Variants in SPADH observed in about 807,000 individuals in gnomAD.
SPADH encodes spermadhesin family member, also known as CUB domain-containing protein.
the SPADH span, among the ~76,000 whole-genome samples, chr10:122,675,234 G>T: frequency 6.6e-6 from 1 of 152,134 alleles, no homozygotes; most frequent in Non-Finnish European, 1.5e-5. Flanking sequence ...AAAGTGGGAC[G>T]TGAGACCTTT....
chr10:122,673,575 A>G, the SPADH span, among the ~76,000 whole-genome samples: 1 of 152,310 alleles, frequency 6.6e-6, no homozygotes, highest in African/African-American at 2.4e-5. Flanking sequence ...CTGATTTTGA[A>G]TGCAGGCAGG....
the SPADH span, chr10:122,675,671 G>T: frequency 1.1e-4 from 112 of 983,260 alleles, 1 homozygote; most frequent in African/African-American, 1.8e-3. Flanking sequence ...TTTGCCACAG[G>T]TAAATGCAGA....
At chr10:122,676,899 C>T in the SPADH span, 1 of 985,212 alleles carries the variant, frequency 1.0e-6, no homozygotes, top group Non-Finnish European at 1.2e-6. Flanking sequence ...CAAGTGAGTA[C>T]TGGGGTTGTG....
the SPADH span, among the ~76,000 whole-genome samples, chr10:122,678,384 C>A: frequency 6.6e-6 from 1 of 152,064 alleles, no homozygotes; most frequent in East Asian, 1.9e-4. Context: ...GTCCCATCTG[C>A]CAGGGGAAAG....
chr10:122,677,284 A>C, the SPADH span, among the ~76,000 whole-genome samples: 1 of 152,282 alleles, frequency 6.6e-6, no homozygotes, highest in South Asian at 2.1e-4. Context: ...TGCCCTCTGC[A>C]AAGGGTTTTC....
chr10:122,676,659 G>A, the SPADH span: 5 of 912,336 alleles, frequency 5.5e-6, no homozygotes, highest in Non-Finnish European at 6.5e-6. Context: ...TGGGAAGTTG[G>A]GAGAATCAGT....
At chr10:122,674,425 G>A in the SPADH span, among the ~76,000 whole-genome samples, 2 of 152,238 alleles carry the variant, frequency 1.3e-5, no homozygotes, top group South Asian at 2.1e-4. Context: ...TAAGGTAGAT[G>A]TGGTTACAGT....
chr10:122,679,482 A>G, the SPADH span, among the ~76,000 whole-genome samples: 1 of 149,544 alleles, frequency 6.7e-6, no homozygotes, highest in African/African-American at 2.5e-5. Context: ...CCTAGAAAAT[A>G]TATATAAACA....
At chr10:122,675,731 G>C in the SPADH span, 7 of 741,792 alleles carry the variant, frequency 9.4e-6, no homozygotes, top group African/African-American at 1.3e-4. Flanking sequence ...ACTGTTTTGG[G>C]GTTGAAATCC....
the SPADH span, chr10:122,676,989 A>C: frequency 1.2e-6 from 1 of 832,582 alleles, no homozygotes; most frequent in African/African-American, 1.8e-5. Flanking sequence ...CCTATCCATG[A>C]CAGCCATTTG....
At chr10:122,679,036 G>T in the SPADH span, 2 of 985,050 alleles carry the variant, frequency 2.0e-6, no homozygotes, top group Non-Finnish European at 2.4e-6. Context: ...TTGACGCTTG[G>T]TCAACACATT....
the SPADH span, chr10:122,675,588 C>T: frequency 1.2e-6 from 1 of 820,332 alleles, no homozygotes; most frequent in Non-Finnish European, 1.5e-6. Context: ...CTGCTTTCAC[C>T]CATTGGTAAG....
the SPADH span, chr10:122,676,857 G>A: frequency 2.0e-4 from 199 of 985,294 alleles, no homozygotes; most frequent in South Asian, 4.0e-3. Context: ...GTTGAACCCC[G>A]GGGAGATAGT....
the SPADH span, chr10:122,676,661 A>G: frequency 2.2e-6 from 2 of 915,482 alleles, no homozygotes; most frequent in Non-Finnish European, 2.6e-6. Context: ...GGAAGTTGGG[A>G]GAATCAGTAA....
the SPADH span, chr10:122,679,063 G>A: frequency 7.2e-6 from 7 of 974,390 alleles, no homozygotes; most frequent in African/African-American, 1.1e-4. Context: ...AAGATCGGGG[G>A]AAGAGGCACC....
chr10:122,677,800 C>T, the SPADH span, among the ~76,000 whole-genome samples: 14 of 152,208 alleles, frequency 9.2e-5, no homozygotes, highest in South Asian at 6.2e-4. Context: ...GCCTCAAATA[C>T]GGGGCTTAAA....
the SPADH span, among the ~76,000 whole-genome samples, chr10:122,678,526 C>G: frequency 6.6e-6 from 1 of 152,130 alleles, no homozygotes; most frequent in Non-Finnish European, 1.5e-5. Context: ...TGAAACACAG[C>G]TGATGTTTTG....
chr10:122,675,901 C>T, the SPADH span, among the ~76,000 whole-genome samples: 6 of 152,314 alleles, frequency 3.9e-5, no homozygotes, highest in South Asian at 4.1e-4. Context: ...CAAGCCCCCC[C>T]GAAGTCTCCT....
the SPADH span, among the ~76,000 whole-genome samples, chr10:122,678,045 G>A: frequency 3.3e-5 from 5 of 152,190 alleles, no homozygotes; most frequent in Non-Finnish European, 5.9e-5. Context: ...TGGCACCAAG[G>A]AGGGACACAG....
Sources: gnomAD v4.1 joint callset for allele counts (sites outside exome capture counted in the v4.1 genomes callset) on GRCh38, gnomAD v4.1.1 for gene constraint, MANE v1.5 for transcripts, NCBI Gene and HGNC (gene_info 2026-07-23, HGNC 2026-07-21) for gene names.